The following KDM4C variants were observed in gnomAD, a reference collection of about 807,000 sequenced individuals.
KDM4C encodes the protein lysine-specific demethylase 4C.
In KDM4C, 81 loss-of-function variants were observed where a neutral mutation model predicts 129.3. That is an observed-to-expected ratio of 0.63 (90% confidence interval 0.52 to 0.75). The LOEUF (loss-of-function observed/expected upper bound fraction) is 0.75, where lower values mean the gene tolerates loss of function less well. Among genes scored for constraint, KDM4C ranks in the 30% least tolerant of loss-of-function variants. KDM4C has a pLI of 0.00. For missense variants in KDM4C, 1,457 were observed against 1,304.0 expected (o/e 1.12, Z -1.81); for synonymous variants, 573 against 456.1 (o/e 1.26, Z -3.26).
At chr9:6,816,780 C>T (rs999204186) in intron 4 of KDM4C, among the ~76,000 whole-genome samples, 2 of 151,308 alleles carry the variant, frequency 1.3e-5, no homozygotes, top group Non-Finnish European at 2.9e-5. Context: ...CCCTTATGTT[C>T]ACTGAATGTT....
chr9:7,031,569 G>C (rs891109005), intron 15 of KDM4C, among the ~76,000 whole-genome samples: 20 of 152,006 alleles, frequency 1.3e-4, no homozygotes, highest in African/African-American at 4.3e-4. Context: ...TATACAATTG[G>C]AGTGATTTTA....
intron 17 of KDM4C, among the ~76,000 whole-genome samples, chr9:7,072,356 A>G (rs1298520464): frequency 6.6e-6 from 1 of 152,172 alleles, no homozygotes; most frequent in Non-Finnish European, 1.5e-5. Context: ...TAATCACCCA[A>G]AAAATGGAAG....
At chr9:7,009,609 C>T (rs1822315126) in intron 12 of KDM4C, among the ~76,000 whole-genome samples, 1 of 152,026 alleles carries the variant, frequency 6.6e-6, no homozygotes, top group African/African-American at 2.4e-5. Flanking sequence ...GCTGAGACAC[C>T]AACAATTTTA....
chr9:7,090,788 AAT>A (rs936632237), intron 17 of KDM4C, among the ~76,000 whole-genome samples: 4 of 152,226 alleles, frequency 2.6e-5, no homozygotes, highest in African/African-American at 9.6e-5. Flanking sequence ...ACGTTGTAAG[AAT>A]ATATGTTTCC....
At chr9:7,170,844 C>G in intron 21 of KDM4C, 1 of 806,814 alleles carries the variant, frequency 1.2e-6, no homozygotes, top group Non-Finnish European at 1.5e-6. Context: ...TTTTTGCATC[C>G]CTGGGCCATA....
Position 6,948,715 on chromosome 9 carries a change from T to G in KDM4C, c.922-32210T>G, listed in dbSNP as rs571057338. Among the ~76,000 whole-genome samples, 496 of 152,008 alleles carry G rather than the reference T, an allele frequency of 3.3e-3. 1 individual carries two copies. Among genetic ancestry groups the G allele is most frequent in the African/African-American group, 9.6e-3 (396 of 41,426 alleles). Reference sequence around the variant, plus strand: ...ACGAGCATGCTGCCTTCAAGCATCTTTTTAACAAAGCACATCTTGCACCGC... The same window carrying G: ...ACGAGCATGCTGCCTTCAAGCATCTGTTTAACAAAGCACATCTTGCACCGC... On this transcript the variant is annotated intron_variant, in intron 8 of 21. Coordinates refer to ENST00000381309, the MANE Select transcript of KDM4C (RefSeq NM_015061.6).
chr9:7,021,156 A>ATT (rs1411175299), intron 15 of KDM4C, among the ~76,000 whole-genome samples: 3 of 131,204 alleles, frequency 2.3e-5, no homozygotes, highest in African/African-American at 8.6e-5. Context: ...ATATATATGT[A>ATT]TTTTTTTTTT....
intron 4 of KDM4C, among the ~76,000 whole-genome samples, chr9:6,838,985 C>A (rs549637040): frequency 6.6e-6 from 1 of 152,288 alleles, no homozygotes; most frequent in African/African-American, 2.4e-5. Context: ...ATTTTGAAAT[C>A]TTTAAAGAAC....
intron 5 of KDM4C, among the ~76,000 whole-genome samples, chr9:6,874,559 C>G (rs755755913): frequency 1.1e-4 from 17 of 151,972 alleles, no homozygotes; most frequent in Admixed American, 1.1e-3. Context: ...CATTTTATAA[C>G]GGAATTAGAT....
At chr9:6,726,037 C>G (rs1817117701) in intron 1 of KDM4C, among the ~76,000 whole-genome samples, 1 of 152,196 alleles carries the variant, frequency 6.6e-6, no homozygotes, top group Admixed American at 6.6e-5. Flanking sequence ...AGCAATTCCC[C>G]TGCTTCAGCC....
At chr9:6,775,977 A>G (rs926586630) in intron 1 of KDM4C, among the ~76,000 whole-genome samples, 20 of 152,210 alleles carry the variant, frequency 1.3e-4, no homozygotes, top group Non-Finnish European at 2.9e-5. Flanking sequence ...CAATGTCTCA[A>G]GGATACAAAA....
intron 17 of KDM4C, among the ~76,000 whole-genome samples, chr9:7,075,541 C>A (rs1419670697): frequency 6.6e-6 from 1 of 152,138 alleles, no homozygotes; most frequent in Non-Finnish European, 1.5e-5. Context: ...CTCTCTCATA[C>A]CCTCTTTCAC....
rs114404886 is a variant in KDM4C at position 6,737,990 on chromosome 9, T to C, written c.49+16993T>C. On this transcript the variant is annotated intron_variant, in intron 1 of 17. Transcript: ENST00000536108. ...TCTACTAAAAATACCAACAATTTGC[T>C]GGGCATGGTGGCAGGTGCCTGTAAT... 9.5e-3 allele frequency among the ~76,000 whole-genome samples: 1,434 copies of C among 151,546 alleles called. 22 individuals are homozygous for C. The highest frequency in any genetic ancestry group is 0.033 in the African/African-American group (1,365 of 41,272).
At chr9:6,859,061 TAAG>T (rs1840448539) in intron 5 of KDM4C, among the ~76,000 whole-genome samples, 1 of 152,234 alleles carries the variant, frequency 6.6e-6, no homozygotes, top group Non-Finnish European at 1.5e-5. Flanking sequence ...TCATTTTTTA[TAAG>T]CTTGCTTTTT....
intron 8 of KDM4C, among the ~76,000 whole-genome samples, chr9:6,924,425 G>C (rs1213823955): frequency 1.3e-5 from 2 of 152,182 alleles, no homozygotes; most frequent in Admixed American, 1.3e-4. Context: ...TACAAGAGGA[G>C]GAGAGTGAGG....
intron 19 of KDM4C, among the ~76,000 whole-genome samples, chr9:7,149,589 G>C (rs1488295214): frequency 6.6e-6 from 1 of 152,264 alleles, no homozygotes; most frequent in Non-Finnish European, 1.5e-5. Context: ...GGCTGCTTCA[G>C]ACAGGCCGCC....
chr9:6,797,045 C>G (rs568201238), intron 2 of KDM4C, among the ~76,000 whole-genome samples: 1 of 149,466 alleles, frequency 6.7e-6, no homozygotes, highest in Non-Finnish European at 1.5e-5. Context: ...GTGGTGTGAT[C>G]GTGGCTCACT....
intron 1 of KDM4C, among the ~76,000 whole-genome samples, chr9:6,787,486 G>A (rs928401890): frequency 1.3e-5 from 2 of 152,218 alleles, no homozygotes; most frequent in African/African-American, 4.8e-5. Context: ...GCCTGCCTAG[G>A]CCTCCCAAGG....
At chr9:6,936,123 G>A (rs1392519355) in intron 8 of KDM4C, among the ~76,000 whole-genome samples, 1 of 152,082 alleles carries the variant, frequency 6.6e-6, no homozygotes, top group Non-Finnish European at 1.5e-5. Context: ...TGAATATATG[G>A]AGTTTATTCA....
Sources: gnomAD v4.1 joint callset for allele counts (sites outside exome capture counted in the v4.1 genomes callset) on GRCh38, gnomAD v4.1.1 for gene constraint, MANE v1.5 for transcripts, NCBI Gene and HGNC (gene_info 2026-07-23, HGNC 2026-07-21) for gene names.